Variants in IGSF11 observed in about 807,000 individuals in gnomAD.
The protein encoded by IGSF11 is CXADR like 1.
Under a neutral mutation model 41.0 loss-of-function variants are expected in IGSF11, and 22 were observed. That is an observed-to-expected ratio of 0.54 (90% confidence interval 0.38 to 0.77). The LOEUF (loss-of-function observed/expected upper bound fraction) is 0.77. IGSF11 is among the 30% of genes least tolerant of loss of function. The probability of loss-of-function intolerance (pLI) is 0.00; values close to 1 mark genes in which losing one functional copy is unlikely to be tolerated. For missense variants in IGSF11, 444 were observed against 530.8 expected (o/e 0.84, Z 1.61); for synonymous variants, 219 against 201.3 (o/e 1.09, Z -0.74).
intron 1 of IGSF11, among the ~76,000 whole-genome samples, chr3:119,003,638 T>C (rs1937143099): frequency 1.3e-5 from 2 of 151,852 alleles, no homozygotes; most frequent in African/African-American, 2.4e-5. Context: ...ATATGTCCCA[T>C]CAATACTTAA....
At chr3:118,941,427 T>C (rs1227984243) in intron 1 of IGSF11, among the ~76,000 whole-genome samples, 2 of 152,090 alleles carry the variant, frequency 1.3e-5, no homozygotes, top group Non-Finnish European at 2.9e-5. Context: ...ATTGAGATAA[T>C]ACAAAACATC....
intron 1 of IGSF11, among the ~76,000 whole-genome samples, chr3:118,966,007 GA>G (rs1220032329): frequency 5.0e-4 from 68 of 135,264 alleles, no homozygotes; most frequent in Middle Eastern, 3.8e-3. Context: ...ACAGAAATGA[GA>G]AAAAAAAAAA....
intron 1 of IGSF11, among the ~76,000 whole-genome samples, chr3:119,021,175 T>C (rs952893468): frequency 6.6e-6 from 1 of 152,174 alleles, no homozygotes; most frequent in Non-Finnish European, 1.5e-5. Flanking sequence ...ATGTAGGCAG[T>C]GGTTATACGA....
chr3:118,992,127 C>G (rs1187627048), intron 1 of IGSF11, among the ~76,000 whole-genome samples: 1 of 152,170 alleles, frequency 6.6e-6, no homozygotes, highest in African/African-American at 2.4e-5. Flanking sequence ...CAAGAATAGA[C>G]AATTAGTAAT....
In IGSF11 at chr3:118,902,901, G is replaced by C; in HGVS notation, c.915C>G (p.Ser305=). Residue 305 remains serine, a synonymous_variant, in exon 7 of 7, where the codon TCC becomes TCG. Coordinates refer to ENST00000393775, the MANE Select transcript of IGSF11 (RefSeq NM_001015887.3). ...SAKAFHTEIS[S]SDNNTLTSSN... ...AAGAGGTTAGTGTGTTGTTGTCCGA[G>C]GAGGAAATCTCAGTGTGAAATGCTT... 1 of 1,614,142 alleles carries C rather than the reference G, an allele frequency of 6.2e-7. No individual in the cohort carries two copies. The highest frequency in any genetic ancestry group is 8.5e-7 in the Non-Finnish European group (1 of 1,179,998).
At chr3:118,921,735 G>C (rs780326266) in intron 4 of IGSF11, among the ~76,000 whole-genome samples, 4 of 152,094 alleles carry the variant, frequency 2.6e-5, no homozygotes, top group Non-Finnish European at 5.9e-5. Flanking sequence ...TTTTTGTATA[G>C]AGAATTCTAT....
intron 1 of IGSF11, among the ~76,000 whole-genome samples, chr3:119,087,824 A>G (rs1306624884): frequency 6.6e-6 from 1 of 152,164 alleles, no homozygotes; most frequent in African/African-American, 2.4e-5. Context: ...ATTAAGAAGG[A>G]CAATGAAGGG....
At chr3:118,974,480 C>G (rs1452136231) in intron 1 of IGSF11, among the ~76,000 whole-genome samples, 1 of 152,166 alleles carries the variant, frequency 6.6e-6, no homozygotes, top group Admixed American at 6.5e-5. Context: ...TCAGATGTTA[C>G]GAGAAGCCTC....
chr3:118,951,244 A>G (rs1231638575), intron 1 of IGSF11, among the ~76,000 whole-genome samples: 1 of 152,214 alleles, frequency 6.6e-6, no homozygotes, highest in African/African-American at 2.4e-5. Flanking sequence ...GAACTAAGCT[A>G]TGCTTGATGC....
chr3:118,987,331 G>A (rs543840912), intron 1 of IGSF11, among the ~76,000 whole-genome samples: 3 of 152,182 alleles, frequency 2.0e-5, no homozygotes, highest in Non-Finnish European at 4.4e-5. Flanking sequence ...AGGACAAACT[G>A]CCTCTCACAC....
chr3:119,058,616 A>C (rs1941942145), intron 1 of IGSF11, among the ~76,000 whole-genome samples: 2 of 152,228 alleles, frequency 1.3e-5, no homozygotes, highest in African/African-American at 4.8e-5. Context: ...CAGCCATCCC[A>C]TTGCTGGGTA....
chr3:119,003,588 T>C (rs1342401820), intron 1 of IGSF11, among the ~76,000 whole-genome samples: 1 of 151,218 alleles, frequency 6.6e-6, no homozygotes, highest in Non-Finnish European at 1.5e-5. Flanking sequence ...AGTATGATAT[T>C]GGCTGTGGGT....
intron 1 of IGSF11, among the ~76,000 whole-genome samples, chr3:119,121,203 A>T (rs1320671825): frequency 6.6e-6 from 1 of 152,208 alleles, no homozygotes; most frequent in Non-Finnish European, 1.5e-5. Flanking sequence ...GAAAAAAGCA[A>T]CTAATAGAAA....
intron 1 of IGSF11, among the ~76,000 whole-genome samples, chr3:119,096,508 G>T (rs144557979): frequency 6.6e-6 from 1 of 151,992 alleles, no homozygotes; most frequent in African/African-American, 2.4e-5. Flanking sequence ...AAAAGCAACT[G>T]AACTACACTA....
At chr3:118,932,042 T>A (rs950721911) in intron 1 of IGSF11, among the ~76,000 whole-genome samples, 1 of 152,176 alleles carries the variant, frequency 6.6e-6, no homozygotes, top group Non-Finnish European at 1.5e-5. Context: ...CAAAAGTCAC[T>A]GAATTTTATA....
intron 1 of IGSF11, among the ~76,000 whole-genome samples, chr3:119,000,069 T>C (rs961400957): frequency 1.3e-5 from 2 of 148,906 alleles, no homozygotes; most frequent in African/African-American, 4.9e-5. Context: ...TATTCTTTTT[T>C]TTTTTTTTTT....
intron 1 of IGSF11, among the ~76,000 whole-genome samples, chr3:119,087,049 G>A (rs903616489): frequency 6.6e-6 from 1 of 152,180 alleles, no homozygotes; most frequent in African/African-American, 2.4e-5. Flanking sequence ...AAGTAAAAGG[G>A]TGGAGTAAGA....
intron 1 of IGSF11, among the ~76,000 whole-genome samples, chr3:118,979,071 T>C (rs1934430271): frequency 6.6e-6 from 1 of 151,958 alleles, no homozygotes; most frequent in Non-Finnish European, 1.5e-5. Context: ...ACTGGGAAAT[T>C]AACCAAAGAG....
chr3:119,024,743 C>G (rs1266438696), intron 1 of IGSF11, among the ~76,000 whole-genome samples: 3 of 152,036 alleles, frequency 2.0e-5, no homozygotes, highest in Non-Finnish European at 4.4e-5. Context: ...ATATTTATCA[C>G]ATAACCTAGT....
Sources: gnomAD v4.1 joint callset for allele counts (sites outside exome capture counted in the v4.1 genomes callset) on GRCh38, gnomAD v4.1.1 for gene constraint, MANE v1.5 for transcripts, NCBI Gene and HGNC (gene_info 2026-07-23, HGNC 2026-07-21) for gene names.